GRID1: variants seen among roughly 807,000 people sequenced by gnomAD.
The protein encoded by GRID1 is glutamate receptor ionotropic, delta-1.
A neutral mutation model predicts 98.0 loss-of-function variants in GRID1; 28 were observed. The observed-to-expected ratio is 0.29, with a 90% CI of 0.21 to 0.39. The LOEUF (loss-of-function observed/expected upper bound fraction) is 0.39. Ranked by LOEUF, GRID1 falls within the 10% of genes least tolerant of loss-of-function variation. The probability of loss-of-function intolerance (pLI) is 1.00; values close to 1 mark genes in which losing one functional copy is unlikely to be tolerated. For synonymous variants in GRID1, 553 were observed against 538.5 expected (o/e 1.03, Z -0.37); for missense variants, 1,111 against 1,340.5 (o/e 0.83, Z 2.67).
rs1037768287 is a variant in GRID1 at position 85,970,223 on chromosome 10, G to A, written c.727-53984C>T. 8.5e-5 allele frequency among the ~76,000 whole-genome samples: 13 copies of A among 152,068 alleles called. No individual in the cohort carries two copies. The East Asian group carries it at 1.4e-3, about 16-fold the overall frequency. On this transcript the variant is annotated intron_variant, in intron 4 of 15. Coordinates refer to ENST00000327946, the MANE Select transcript of GRID1 (RefSeq NM_017551.3). ...TCAAAGCCCAGATGTCTTCACTGGC[G>A]AATTCTTTCAAATATTTAAAGAAGA...
At chr10:86,059,769 T>C (rs1843624014) in intron 4 of GRID1, among the ~76,000 whole-genome samples, 1 of 152,194 alleles carries the variant, frequency 6.6e-6, no homozygotes, top group Non-Finnish European at 1.5e-5. Context: ...GGGTTTGACC[T>C]TAGAATTACA....
At chr10:86,036,911 A>T (rs1253121963) in intron 4 of GRID1, among the ~76,000 whole-genome samples, 1 of 152,206 alleles carries the variant, frequency 6.6e-6, no homozygotes, top group Non-Finnish European at 1.5e-5. Context: ...TACAAATCAA[A>T]ATAAGCAACA....
At chr10:85,664,971 T>C (rs1406330980) in intron 12 of GRID1, among the ~76,000 whole-genome samples, 2 of 152,316 alleles carry the variant, frequency 1.3e-5, no homozygotes, top group African/African-American at 2.4e-5. Context: ...GTACAGAATA[T>C]ATTGTATAAC....
chr10:85,621,247 T>C (rs765620175), intron 13 of GRID1, among the ~76,000 whole-genome samples: 2 of 152,150 alleles, frequency 1.3e-5, no homozygotes, highest in Non-Finnish European at 2.9e-5. Flanking sequence ...TACCATGGCT[T>C]GCACCAGATG....
At chr10:85,905,259 C>T (rs1016900376) in intron 5 of GRID1, among the ~76,000 whole-genome samples, 1 of 151,912 alleles carries the variant, frequency 6.6e-6, no homozygotes, top group East Asian at 1.9e-4. Flanking sequence ...TACTGTTAAC[C>T]TAGAATTCTG....
At chr10:86,071,622 T>A (rs1274324863) in intron 4 of GRID1, among the ~76,000 whole-genome samples, 1 of 152,208 alleles carries the variant, frequency 6.6e-6, no homozygotes, top group Non-Finnish European at 1.5e-5. Context: ...AACATTGACA[T>A]CTTTCTTTTT....
intron 5 of GRID1, among the ~76,000 whole-genome samples, chr10:85,903,616 T>G (rs182650927): frequency 1.7e-3 from 252 of 152,324 alleles, no homozygotes; most frequent in African/African-American, 5.7e-3. Context: ...ACCCTCCTCT[T>G]GCTTCCAACT....
chr10:86,093,676 TCAA>T (rs551504041), intron 4 of GRID1, among the ~76,000 whole-genome samples: 31 of 151,832 alleles, frequency 2.0e-4, no homozygotes, highest in Non-Finnish European at 4.3e-4. Context: ...CCTGAACAGA[TCAA>T]CAACAAGCAG....
intron 2 of GRID1, among the ~76,000 whole-genome samples, chr10:86,237,018 C>A (rs1335487393): frequency 6.6e-6 from 1 of 152,136 alleles, no homozygotes; most frequent in Non-Finnish European, 1.5e-5. Context: ...ACGACACAGT[C>A]CTCTGCTTCT....
At chr10:85,962,827 T>C (rs191562796) in intron 4 of GRID1, among the ~76,000 whole-genome samples, 1 of 152,322 alleles carries the variant, frequency 6.6e-6, no homozygotes, top group South Asian at 2.1e-4. Context: ...ACACCCATCC[T>C]TAATTCAATA....
intron 2 of GRID1, among the ~76,000 whole-genome samples, chr10:86,263,959 A>G (rs969042438): frequency 6.6e-6 from 1 of 152,230 alleles, no homozygotes; most frequent in African/African-American, 2.4e-5. Flanking sequence ...AGAAAGCCAG[A>G]GAGGGGAAGG....
At chr10:86,220,785 C>A (rs1279958778) in intron 2 of GRID1, among the ~76,000 whole-genome samples, 1 of 152,218 alleles carries the variant, frequency 6.6e-6, no homozygotes, top group Non-Finnish European at 1.5e-5. Flanking sequence ...TCCTAACAGC[C>A]AGCATGACAG....
At chr10:85,669,927 T>C (rs1841065982) in intron 12 of GRID1, among the ~76,000 whole-genome samples, 2 of 152,234 alleles carry the variant, frequency 1.3e-5, no homozygotes, top group Non-Finnish European at 2.9e-5. Flanking sequence ...AGCATCATAT[T>C]CTGCTGTGTT....
chr10:86,061,141 C>T (rs1236913620), intron 4 of GRID1, among the ~76,000 whole-genome samples: 2 of 151,266 alleles, frequency 1.3e-5, no homozygotes, highest in African/African-American at 4.8e-5. Context: ...TTTCCACTCA[C>T]ATCTGCAGCA....
chr10:85,740,752 T>G (rs1841934362), intron 8 of GRID1, among the ~76,000 whole-genome samples: 1 of 108,508 alleles, frequency 9.2e-6, no homozygotes, highest in Non-Finnish European at 1.8e-5. Flanking sequence ...ACAAATACAC[T>G]GTACTTTTTT....
intron 2 of GRID1, among the ~76,000 whole-genome samples, chr10:86,232,063 G>A (rs998974702): frequency 1.3e-5 from 2 of 152,150 alleles, no homozygotes; most frequent in Admixed American, 1.3e-4. Context: ...TATAAGAGAG[G>A]AGAAACAAGG....
intron 14 of GRID1, among the ~76,000 whole-genome samples, chr10:85,617,233 C>CA (rs564729489): frequency 9.8e-5 from 14 of 143,576 alleles, no homozygotes; most frequent in African/African-American, 3.3e-4. Context: ...AAGCCCCCCC[C>CA]CCCTTTTATT....
At chr10:86,307,992 T>A (rs1020976945) in intron 2 of GRID1, among the ~76,000 whole-genome samples, 1 of 152,110 alleles carries the variant, frequency 6.6e-6, no homozygotes, top group Non-Finnish European at 1.5e-5. Flanking sequence ...GTGCAGGGGA[T>A]CCCCGGAACT....
intron 2 of GRID1, among the ~76,000 whole-genome samples, chr10:86,240,051 G>A (rs1846602506): frequency 6.6e-6 from 1 of 152,164 alleles, no homozygotes; most frequent in African/African-American, 2.4e-5. Flanking sequence ...TCTAAGGAGA[G>A]GGGCTCAGCA....
Sources: gnomAD v4.1 joint callset for allele counts (sites outside exome capture counted in the v4.1 genomes callset) on GRCh38, gnomAD v4.1.1 for gene constraint, MANE v1.5 for transcripts, NCBI Gene and HGNC (gene_info 2026-07-23, HGNC 2026-07-21) for gene names.